The following MAGI2 variants were observed in gnomAD, a reference collection of about 807,000 sequenced individuals.
MAGI2 encodes the protein membrane-associated guanylate kinase, WW and PDZ domain-containing protein 2.
Under a neutral mutation model 133.3 loss-of-function variants are expected in MAGI2, and 35 were observed. That is an observed-to-expected ratio of 0.26 (90% confidence interval 0.20 to 0.35). MAGI2 has a LOEUF of 0.35. Ranked by LOEUF, MAGI2 falls within the 10% of genes least tolerant of loss-of-function variation. The pLI is 1.00. For missense variants in MAGI2, 1,636 were observed against 1,863.4 expected, an observed-to-expected ratio of 0.88 and a Z score of 2.25; for synonymous variants, 729 against 710.6, an observed-to-expected ratio of 1.03 and a Z score of -0.41.
At chr7:78,099,980 C>G (rs1818059944) in intron 20 of MAGI2, among the ~76,000 whole-genome samples, 1 of 152,220 alleles carries the variant, frequency 6.6e-6, no homozygotes, top group African/African-American at 2.4e-5. Flanking sequence ...TTACACTCTT[C>G]TTACAGTGGA....
chr7:79,292,770 C>CAAAAAAAAAAAAAAAAAAAAAAAAA lies in MAGI2; in HGVS notation c.301+160225_301+160249dup, dbSNP rs199933554. Reference sequence around the variant, plus strand: ...TTTTGGACCACTTTGTCAATTTCTGCAAAAAAAAAAAAAAAAAAAAAAAAA... The same window carrying CAAAAAAAAAAAAAAAAAAAAAAAAA: ...TTTTGGACCACTTTGTCAATTTCTGCAAAAAAAAAAAAAAAAAAAAAAAAAAAAAAAAAAAAAAAAAAAAAAAAAA... On this transcript the variant is annotated intron_variant, in intron 1 of 21. Transcript: ENST00000354212. Among the ~76,000 whole-genome samples, 2 of 57,396 alleles carry CAAAAAAAAAAAAAAAAAAAAAAAAA rather than the reference C, an allele frequency of 3.5e-5. 1 individual carries two copies. The highest frequency in any genetic ancestry group is 1.4e-4 in the African/African-American group (2 of 14,522). 37.7% of individuals were successfully genotyped at this position (57,396 alleles called of 152,430 possible).
At chr7:79,208,685 A>G (rs1479499289) in intron 1 of MAGI2, among the ~76,000 whole-genome samples, 1 of 152,042 alleles carries the variant, frequency 6.6e-6, no homozygotes, top group East Asian at 1.9e-4. Flanking sequence ...CTGGGTACAT[A>G]TCAAAAGGAA....
At position 78,248,524 on chromosome 7, in the gene MAGI2, G is replaced by C. The variant is rs1022654387; in HGVS notation, c.2047+7419C>G. 4.6e-5 allele frequency among the ~76,000 whole-genome samples: 7 copies of C among 152,080 alleles called. No individual in the cohort carries two copies. The South Asian group carries it at 1.4e-3, about 31-fold the overall frequency. On this transcript the variant is annotated intron_variant, in intron 10 of 21. Coordinates refer to ENST00000354212, the MANE Select transcript of MAGI2 (RefSeq NM_012301.4). ...ATCCAACTATATGCTGCTTACAAGAGACTCACATTAACCTTAAGGACACAC... is the reference window on the plus strand; with the variant it reads ...ATCCAACTATATGCTGCTTACAAGACACTCACATTAACCTTAAGGACACAC...
intron 3 of MAGI2, among the ~76,000 whole-genome samples, chr7:78,603,295 AGAG>A (rs1805409440): frequency 6.6e-6 from 1 of 152,190 alleles, no homozygotes; most frequent in South Asian, 2.1e-4. Context: ...GGAAGTAATG[AGAG>A]GAGATGTCCT....
At chr7:78,645,689 T>A (rs2150999522) in intron 2 of MAGI2, among the ~76,000 whole-genome samples, 1 of 151,702 alleles carries the variant, frequency 6.6e-6, no homozygotes, top group East Asian at 1.9e-4. Flanking sequence ...TACGTGAAGT[T>A]TTTAAGTGTG....
chr7:79,165,167 T>G (rs1824791169), intron 1 of MAGI2, among the ~76,000 whole-genome samples: 1 of 151,570 alleles, frequency 6.6e-6, no homozygotes, highest in Admixed American at 6.6e-5. Context: ...GTGTTTTTTT[T>G]GTTTGTTTTT....
At chr7:79,291,049 T>C (rs948100243) in intron 1 of MAGI2, among the ~76,000 whole-genome samples, 3 of 152,006 alleles carry the variant, frequency 2.0e-5, no homozygotes, top group Non-Finnish European at 2.9e-5. Context: ...AGAAAGAAGA[T>C]CTGTACCCAT....
intron 1 of MAGI2, among the ~76,000 whole-genome samples, chr7:79,200,162 T>C (rs1828463580): frequency 6.6e-6 from 1 of 151,978 alleles, no homozygotes; most frequent in African/African-American, 2.4e-5. Flanking sequence ...TAGTTCCAGC[T>C]CTACTTTGAG....
chr7:78,764,381 T>C (rs890623137), intron 2 of MAGI2, among the ~76,000 whole-genome samples: 1 of 152,162 alleles, frequency 6.6e-6, no homozygotes, highest in South Asian at 2.1e-4. Flanking sequence ...AGGAATATGA[T>C]TGCTAACTGT....
intron 2 of MAGI2, among the ~76,000 whole-genome samples, chr7:78,677,144 G>A (rs536282228): frequency 1.3e-5 from 2 of 151,900 alleles, no homozygotes; most frequent in South Asian, 4.2e-4. Context: ...CATTACATAG[G>A]GCCTGCTTTG....
chr7:78,180,369 A>T (rs573016131), intron 13 of MAGI2, among the ~76,000 whole-genome samples: 1 of 152,250 alleles, frequency 6.6e-6, no homozygotes, highest in South Asian at 2.1e-4. Context: ...TTTTCCCCTA[A>T]AGAAATGCCG....
At chr7:79,269,008 A>G (rs932405973) in intron 1 of MAGI2, among the ~76,000 whole-genome samples, 1 of 152,166 alleles carries the variant, frequency 6.6e-6, no homozygotes, top group Non-Finnish European at 1.5e-5. Context: ...CGTCATTCCC[A>G]CAATCACGGG....
intron 6 of MAGI2, among the ~76,000 whole-genome samples, chr7:78,446,861 C>T (rs10485889): frequency 0.06 from 9,118 of 152,160 alleles, 362 homozygotes; most frequent in Non-Finnish European, 0.078. Context: ...AACCATATAT[C>T]AGCCGAAGAG....
intron 2 of MAGI2, among the ~76,000 whole-genome samples, chr7:78,873,986 A>C (rs980237089): frequency 2.6e-5 from 4 of 152,214 alleles, no homozygotes; most frequent in Non-Finnish European, 5.9e-5. Flanking sequence ...ATTGAAAATC[A>C]ATTACAATAA....
At chr7:78,457,602 A>G (rs1789458159) in intron 6 of MAGI2, among the ~76,000 whole-genome samples, 1 of 152,316 alleles carries the variant, frequency 6.6e-6, no homozygotes, top group East Asian at 1.9e-4. Context: ...ATGTTCTTTT[A>G]ATAAAAGTAA....
intron 1 of MAGI2, among the ~76,000 whole-genome samples, chr7:79,136,041 GA>G (rs1585015653): frequency 3.1e-5 from 4 of 130,916 alleles, no homozygotes; most frequent in East Asian, 2.2e-4. Context: ...AAGAAAGAAA[GA>G]AAGAAGGAAA....
intron 1 of MAGI2, among the ~76,000 whole-genome samples, chr7:79,029,590 T>C (rs777053858): frequency 2.6e-5 from 4 of 152,214 alleles, no homozygotes; most frequent in Non-Finnish European, 5.9e-5. Context: ...TAACTTAAGT[T>C]ATTTAGTGTA....
chr7:79,244,414 G>A (rs1832666421), intron 1 of MAGI2, among the ~76,000 whole-genome samples: 1 of 152,168 alleles, frequency 6.6e-6, no homozygotes, highest in Non-Finnish European at 1.5e-5. Flanking sequence ...CTCCAGCATT[G>A]GCCACCTGGT....
intron 1 of MAGI2, among the ~76,000 whole-genome samples, chr7:79,176,048 G>A (rs891323246): frequency 2.6e-5 from 4 of 151,992 alleles, no homozygotes; most frequent in Non-Finnish European, 5.9e-5. Flanking sequence ...ATAGTTTCCT[G>A]TTAAACATGT....
Sources: gnomAD v4.1 joint callset for allele counts (sites outside exome capture counted in the v4.1 genomes callset) on GRCh38, gnomAD v4.1.1 for gene constraint, MANE v1.5 for transcripts, NCBI Gene and HGNC (gene_info 2026-07-23, HGNC 2026-07-21) for gene names.